The following TPTE2 variants were observed in gnomAD, a reference collection of about 807,000 sequenced individuals.
TPTE2 encodes the protein transmembrane phosphoinositide 3-phosphatase and tensin homolog 2.
In TPTE2, 53 loss-of-function variants were observed where a neutral mutation model predicts 78.6. The observed-to-expected ratio is 0.67, with a 90% CI of 0.54 to 0.85. The LOEUF (loss-of-function observed/expected upper bound fraction) is 0.85. TPTE2 is among the 40% of genes least tolerant of loss of function. TPTE2 has a pLI of 0.00. For synonymous variants in TPTE2, 175 were observed against 206.2 expected, an observed-to-expected ratio of 0.85 and a Z score of 1.30; for missense variants, 461 against 623.0, an observed-to-expected ratio of 0.74 and a Z score of 2.77.
At chr13:19,493,175 T>A (rs1881100925) in intron 2 of TPTE2, among the ~76,000 whole-genome samples, 1 of 22,434 alleles carries the variant, frequency 4.5e-5, no homozygotes, top group Non-Finnish European at 9.9e-5. Context: ...TTGGAAACTC[T>A]GTTACAAAAA....
chr13:19,442,777 G>C (rs1877579285), intron 13 of TPTE2, among the ~76,000 whole-genome samples: 2 of 152,104 alleles, frequency 1.3e-5, no homozygotes, highest in African/African-American at 4.8e-5. Flanking sequence ...TGAACAATTT[G>C]ATGTCAAGAC....
At position 19,428,218 on chromosome 13, in the gene TPTE2, G is replaced by A. The variant is rs539746221; in HGVS notation, c.1303-1701C>T. 3.5e-3 allele frequency among the ~76,000 whole-genome samples: 536 copies of A among 152,332 alleles called. 2 individuals are homozygous for A. Among genetic ancestry groups the A allele is most frequent in the Non-Finnish European group, 6.2e-3 (424 of 68,026 alleles). On this transcript the variant is annotated intron_variant, in intron 17 of 19. Transcript: ENST00000400230. ...AATCCCAGCACTTTGGGAGGTTGAG[G>A]TGGGCAGATCACCTGAGGTCGGGAG...
At chr13:19,429,261 G>A (rs905123716) in intron 17 of TPTE2, among the ~76,000 whole-genome samples, 87 of 152,296 alleles carry the variant, frequency 5.7e-4, no homozygotes, top group Admixed American at 1.0e-3. Flanking sequence ...AGAAATCTAC[G>A]CTGAGCAAAG....
chr13:19,487,752 A>G (rs1409347246), intron 3 of TPTE2, among the ~76,000 whole-genome samples: 1 of 152,088 alleles, frequency 6.6e-6, no homozygotes. Flanking sequence ...CCCCCAGAGG[A>G]GGGCACACTC....
At chr13:19,561,321 G>A in the TPTE2 span, 2 of 735,590 alleles carry the variant, frequency 2.7e-6, no homozygotes, top group Non-Finnish European at 4.2e-6. Flanking sequence ...GGCACACGGC[G>A]GGGGCCGCTC....
chr13:19,529,248 C>T (rs1028939559), intron 1 of TPTE2, among the ~76,000 whole-genome samples: 3 of 152,156 alleles, frequency 2.0e-5, no homozygotes, highest in Non-Finnish European at 4.4e-5. Context: ...GAGAAGAGCC[C>T]CTCTCATTGT....
chr13:19,467,844 C>T (rs1200648808), intron 6 of TPTE2, among the ~76,000 whole-genome samples: 48 of 140,532 alleles, frequency 3.4e-4, no homozygotes, highest in African/African-American at 1.2e-3. Flanking sequence ...ACTACCATTC[C>T]CAGCCTCTGA....
At chr13:19,507,526 C>T (rs1375643931), upstream of TPTE2, among the ~76,000 whole-genome samples, 1 of 152,120 alleles carries the variant, frequency 6.6e-6, no homozygotes, top group Non-Finnish European at 1.5e-5. Flanking sequence ...GGTTACAAAC[C>T]AGAGAGATTG....
At chr13:19,507,144 A>T (rs1026626217), upstream of TPTE2, among the ~76,000 whole-genome samples, 1 of 152,124 alleles carries the variant, frequency 6.6e-6, no homozygotes. Flanking sequence ...TCATTTCACT[A>T]TCACTGAGGA....
the TPTE2 span, among the ~76,000 whole-genome samples, chr13:19,546,017 G>C: frequency 1.3e-5 from 2 of 152,100 alleles, no homozygotes; most frequent in African/African-American, 2.4e-5. Context: ...AACAAAGTGA[G>C]ACCCCGTCTC....
chr13:19,459,996 G>A (rs1878786768), intron 10 of TPTE2, among the ~76,000 whole-genome samples: 1 of 152,176 alleles, frequency 6.6e-6, no homozygotes, highest in African/African-American at 2.4e-5. Context: ...AGGTGCCATG[G>A]AAATGGGGCC....
intron 13 of TPTE2, among the ~76,000 whole-genome samples, chr13:19,446,272 A>G (rs1877827982): frequency 6.6e-6 from 1 of 152,224 alleles, no homozygotes; most frequent in African/African-American, 2.4e-5. Context: ...CAAGAAGAGC[A>G]AGACAATTCT....
At chr13:19,545,244 A>C in the TPTE2 span, among the ~76,000 whole-genome samples, 1 of 152,214 alleles carries the variant, frequency 6.6e-6, no homozygotes, top group Non-Finnish European at 1.5e-5. Flanking sequence ...AAAAGCCTTA[A>C]GAAGAGAGGA....
chr13:19,548,534 A>G, the TPTE2 span, among the ~76,000 whole-genome samples: 2 of 152,006 alleles, frequency 1.3e-5, no homozygotes, highest in South Asian at 4.2e-4. Flanking sequence ...GAAAAGGTTT[A>G]AACCAACTAA....
At chr13:19,477,287 ATAATATGT>A (rs1265709390) in intron 4 of TPTE2, among the ~76,000 whole-genome samples, 1 of 151,744 alleles carries the variant, frequency 6.6e-6, no homozygotes, top group African/African-American at 2.4e-5. Flanking sequence ...GGATGATGAA[ATAATATGT>A]TAAAAAAAAA....
intron 1 of TPTE2, among the ~76,000 whole-genome samples, chr13:19,517,505 T>A (rs1396638491): frequency 6.6e-6 from 1 of 152,060 alleles, no homozygotes; most frequent in East Asian, 1.9e-4. Flanking sequence ...AAGCAAACTT[T>A]CCTGTCTATG....
At chr13:19,552,381 T>G in the TPTE2 span, among the ~76,000 whole-genome samples, 1 of 152,194 alleles carries the variant, frequency 6.6e-6, no homozygotes. Context: ...ATTTTCCTTA[T>G]CAAGCATCTA....
chr13:19,435,544 T>A (rs1168226371), intron 15 of TPTE2, among the ~76,000 whole-genome samples: 2 of 152,152 alleles, frequency 1.3e-5, no homozygotes, highest in Non-Finnish European at 2.9e-5. Context: ...TATGATGCTC[T>A]GGACTTTTGT....
chr13:19,550,637 C>T, the TPTE2 span, among the ~76,000 whole-genome samples: 2 of 152,052 alleles, frequency 1.3e-5, no homozygotes, highest in Non-Finnish European at 2.9e-5. Context: ...TTATTATTCC[C>T]ATCATTTTAG....
Sources: gnomAD v4.1 joint callset for allele counts (sites outside exome capture counted in the v4.1 genomes callset) on GRCh38, gnomAD v4.1.1 for gene constraint, MANE v1.5 for transcripts, NCBI Gene and HGNC (gene_info 2026-07-23, HGNC 2026-07-21) for gene names.